RARB: variants seen among roughly 807,000 people sequenced by gnomAD.
The protein encoded by RARB is HBV-activated protein.
In RARB, 17 loss-of-function variants were observed where a neutral mutation model predicts 51.9. The ratio of observed to expected loss-of-function variants is 0.33; its 90% CI spans 0.22 to 0.49. RARB has a LOEUF of 0.49. RARB is among the 20% of genes least tolerant of loss of function. The pLI, the probability that RARB is intolerant of heterozygous loss-of-function variation, is 0.99. For synonymous variants in RARB, 215 were observed against 195.4 expected (o/e 1.10, Z -0.84); for missense variants, 369 against 550.8 (o/e 0.67, Z 3.30).
At chr3:24,971,960 G>A (rs1559416756) in intron 2 of RARB, among the ~76,000 whole-genome samples, 1 of 146,652 alleles carries the variant, frequency 6.8e-6, no homozygotes. Flanking sequence ...ATCAATTCAG[G>A]GTAATCTGTC....
At chr3:25,127,066 G>A (rs567095690) in intron 3 of RARB, among the ~76,000 whole-genome samples, 9 of 152,072 alleles carry the variant, frequency 5.9e-5, no homozygotes, top group South Asian at 4.2e-4. Flanking sequence ...ATCATCTTTC[G>A]CCTGCATCAG....
intron 2 of RARB, among the ~76,000 whole-genome samples, chr3:25,477,955 G>GT (rs1696038042): frequency 6.6e-6 from 1 of 152,160 alleles, no homozygotes; most frequent in African/African-American, 2.4e-5. Context: ...TATAGGTCTC[G>GT]TAGTTGGTGT....
At chr3:24,875,150 C>CT (rs1159091296) in intron 2 of RARB, among the ~76,000 whole-genome samples, 2 of 151,958 alleles carry the variant, frequency 1.3e-5, no homozygotes, top group Admixed American at 6.5e-5. Context: ...CATACAAGTC[C>CT]TTTTGTTTTT....
chr3:24,902,661 G>C (rs944188538), intron 2 of RARB, among the ~76,000 whole-genome samples: 9 of 151,828 alleles, frequency 5.9e-5, no homozygotes, highest in Non-Finnish European at 1.2e-4. Context: ...TCTGGTCTCT[G>C]TCTCTCTTTC....
At chr3:25,197,303 T>G (rs571355369) in intron 5 of RARB, among the ~76,000 whole-genome samples, 1 of 152,084 alleles carries the variant, frequency 6.6e-6, no homozygotes, top group Non-Finnish European at 1.5e-5. Context: ...GTTTTCCCAG[T>G]ACCATTTATG....
At chr3:25,477,594 T>A (rs1469148750) in intron 2 of RARB, among the ~76,000 whole-genome samples, 1 of 152,232 alleles carries the variant, frequency 6.6e-6, no homozygotes, top group East Asian at 1.9e-4. Context: ...GATGTACATA[T>A]GCAACATCTC....
chr3:25,437,232 C>G (rs1431123038), intron 1 of RARB, among the ~76,000 whole-genome samples: 2 of 151,432 alleles, frequency 1.3e-5, no homozygotes, highest in Non-Finnish European at 2.9e-5. Flanking sequence ...TGTCAGGTAG[C>G]ACTGTGCCCT....
chr3:25,270,268 G>A (rs892747455), intron 5 of RARB, among the ~76,000 whole-genome samples: 5 of 152,012 alleles, frequency 3.3e-5, no homozygotes, highest in African/African-American at 7.2e-5. Context: ...AGCCAAATGC[G>A]GTCTGTATGT....
intron 3 of RARB, among the ~76,000 whole-genome samples, chr3:25,094,743 G>GAAAAAAAAAAAAAAAAA (rs1559464234): frequency 1.1e-4 from 10 of 87,024 alleles, no homozygotes; most frequent in South Asian, 3.7e-4. Context: ...AAAAAAAAAG[G>GAAAAAAAAAAAAAAAAA]AAACTGCAAC....
chr3:24,939,632 T>C (rs761771957), intron 2 of RARB, among the ~76,000 whole-genome samples: 3 of 152,254 alleles, frequency 2.0e-5, no homozygotes, highest in Non-Finnish European at 4.4e-5. Flanking sequence ...CAAGCTCATA[T>C]ACAGCACATT....
intron 5 of RARB, among the ~76,000 whole-genome samples, chr3:25,335,459 G>A (rs989626171): frequency 4.6e-5 from 7 of 152,186 alleles, no homozygotes; most frequent in South Asian, 2.1e-4. Flanking sequence ...TCTGTGGCCC[G>A]GCATGTTGGC....
At chr3:24,859,058 G>GA (rs11333927) in intron 2 of RARB, among the ~76,000 whole-genome samples, 6 of 120,972 alleles carry the variant, frequency 5.0e-5, no homozygotes, top group Non-Finnish European at 6.6e-5. Flanking sequence ...AAAAAAAAAA[G>GA]AAAAAAAAAA....
chr3:25,183,275 C>CT (rs545638241), intron 5 of RARB, among the ~76,000 whole-genome samples: 2 of 152,002 alleles, frequency 1.3e-5, no homozygotes, highest in Non-Finnish European at 1.5e-5. Flanking sequence ...GAAGAAAGGA[C>CT]TTTTTTTATT....
intron 5 of RARB, among the ~76,000 whole-genome samples, chr3:25,183,262 T>C (rs542825148): frequency 6.6e-6 from 1 of 152,278 alleles, no homozygotes; most frequent in East Asian, 1.9e-4. Context: ...ATGAATAATA[T>C]TTGAAGAAAG....
Position 24,972,716 on chromosome 3 carries a change from T to C in RARB, c.-379-87409T>C, listed in dbSNP as rs562101446. 2.0e-5 allele frequency among the ~76,000 whole-genome samples: 3 copies of C among 152,216 alleles called. No homozygotes were observed. The Middle Eastern group carries it at 0.01, about 521-fold the overall frequency. ...GGTGAGATGGATATCTCATTGTGGT[T>C]TTGACTTGCATTTTTTGGATGATTA... On this transcript the variant is annotated intron_variant, in intron 2 of 11. Coordinates refer to the RARB transcript ENST00000383772.
chr3:25,493,113 C>T (rs947266272), intron 2 of RARB, among the ~76,000 whole-genome samples: 5 of 151,656 alleles, frequency 3.3e-5, no homozygotes, highest in East Asian at 1.9e-4. Flanking sequence ...CCCCATCTAA[C>T]TTGACTTGTT....
At chr3:25,331,750 A>C (rs1165932195) in intron 5 of RARB, among the ~76,000 whole-genome samples, 1 of 152,206 alleles carries the variant, frequency 6.6e-6, no homozygotes, top group African/African-American at 2.4e-5. Flanking sequence ...GTTTTTTGGA[A>C]AGATCAACAA....
At chr3:25,163,504 A>AAAAAAAAAATATATATAT (rs1303712411) in intron 4 of RARB, among the ~76,000 whole-genome samples, 2 of 131,094 alleles carry the variant, frequency 1.5e-5, no homozygotes, top group African/African-American at 6.4e-5. Flanking sequence ...CCTATCTCAA[A>AAAAAAAAAATATATATAT]ATATATATAT....
At chr3:25,135,423 G>A (rs140452012) in intron 4 of RARB, among the ~76,000 whole-genome samples, 135 of 151,986 alleles carry the variant, frequency 8.9e-4, no homozygotes, top group African/African-American at 3.0e-3. Flanking sequence ...CTGATATTTA[G>A]GAAAGGTAAG....
Sources: gnomAD v4.1 joint callset for allele counts (sites outside exome capture counted in the v4.1 genomes callset) on GRCh38, gnomAD v4.1.1 for gene constraint, MANE v1.5 for transcripts, NCBI Gene and HGNC (gene_info 2026-07-23, HGNC 2026-07-21) for gene names.